Variants in CFAP61 observed in about 807,000 individuals in gnomAD.
CFAP61 encodes cilia- and flagella-associated protein 61.
A neutral mutation model predicts 135.6 loss-of-function variants in CFAP61; 107 were observed. The ratio of observed to expected loss-of-function variants is 0.79; its 90% CI spans 0.67 to 0.93. The LOEUF is 0.93. Among genes scored for constraint, CFAP61 ranks in the 40% least tolerant of loss-of-function variants. The pLI, the probability that CFAP61 is intolerant of heterozygous loss-of-function variation, is 0.00. For synonymous variants in CFAP61, 575 were observed against 578.5 expected, an observed-to-expected ratio of 0.99 and a Z score of 0.09; for missense variants, 1,507 against 1,556.2, an observed-to-expected ratio of 0.97 and a Z score of 0.53.
At chr20:20,204,749 C>A (rs1049546461) in intron 17 of CFAP61, among the ~76,000 whole-genome samples, 1 of 152,084 alleles carries the variant, frequency 6.6e-6, no homozygotes, top group African/African-American at 2.4e-5. Flanking sequence ...TCTAAAAAGG[C>A]AGACCTGTAT....
At chr20:20,146,947 C>T (rs186365210) in intron 9 of CFAP61, among the ~76,000 whole-genome samples, 8 of 152,150 alleles carry the variant, frequency 5.3e-5, no homozygotes, top group African/African-American at 1.2e-4. Flanking sequence ...ATCACTCTTA[C>T]GCCTTTGCAT....
chr20:20,053,024 A>G (rs2043885413), intron 1 of CFAP61, among the ~76,000 whole-genome samples: 1 of 152,244 alleles, frequency 6.6e-6, no homozygotes, highest in Non-Finnish European at 1.5e-5. Context: ...GAGTAACTGG[A>G]AAACAACTCA....
intron 13 of CFAP61, among the ~76,000 whole-genome samples, chr20:20,170,672 G>A (rs1342602518): frequency 2.0e-5 from 3 of 152,136 alleles, no homozygotes; most frequent in Admixed American, 6.5e-5. Context: ...TATAATTGCT[G>A]TGTTAACCTT....
At position 20,196,698 on chromosome 20, in the gene CFAP61, C is replaced by G. The variant is rs1369361227; in HGVS notation, c.1719C>G (p.Phe573Leu). The change falls in exon 16 of 27, where the codon TTC becomes TTG. Residue 573 changes from phenylalanine (F) to leucine (L), a missense_variant. By Grantham distance (22) the Phe-to-Leu change is conservative (BLOSUM62 0). Coordinates refer to ENST00000245957, the MANE Select transcript of CFAP61 (RefSeq NM_015585.4). Reference sequence around the variant, plus strand: ...CCATTTTCCGGCACTACACCAAGTTCTTTCTGAAGGAGATCCTGCGTTTAG... The same window carrying G: ...CCATTTTCCGGCACTACACCAAGTTGTTTCTGAAGGAGATCCTGCGTTTAG... ...LNPIFRHYTK[F>L]FLKEILRLGF... is the part of the protein sequence containing the mutation. The G allele has an allele frequency of 1.2e-6, 2 of 1,614,040 alleles. No homozygotes were observed. Among genetic ancestry groups the G allele is most frequent in the Non-Finnish European group, 1.7e-6 (2 of 1,180,042 alleles).
chr20:20,112,882 A>G (rs1266137494), intron 8 of CFAP61, among the ~76,000 whole-genome samples: 1 of 152,144 alleles, frequency 6.6e-6, no homozygotes, highest in Non-Finnish European at 1.5e-5. Flanking sequence ...TAGTTATTTT[A>G]TGAATATCTG....
At chr20:20,216,267 G>GT (rs1389162446) in intron 17 of CFAP61, among the ~76,000 whole-genome samples, 1 of 152,230 alleles carries the variant, frequency 6.6e-6, no homozygotes, top group Non-Finnish European at 1.5e-5. Context: ...GCTGACGTGC[G>GT]TGTGAGAAAT....
chr20:20,269,204 TATATATACAC>T (rs1448807018), intron 21 of CFAP61, among the ~76,000 whole-genome samples: 1 of 35,988 alleles, frequency 2.8e-5, no homozygotes, highest in Admixed American at 3.1e-4. Context: ...TACATATATG[TATATATACAC>T]ATATATACAT....
At chr20:20,209,261 T>A (rs2146911913) in intron 17 of CFAP61, among the ~76,000 whole-genome samples, 1 of 152,354 alleles carries the variant, frequency 6.6e-6, no homozygotes. Context: ...TTTATCCCAA[T>A]TTTTATCACG....
intron 25 of CFAP61, among the ~76,000 whole-genome samples, chr20:20,301,634 A>G (rs2056117103): frequency 1.3e-5 from 2 of 152,026 alleles, no homozygotes; most frequent in Non-Finnish European, 2.9e-5. Context: ...ATGCCTTTTC[A>G]TTTGTTCATG....
chr20:20,172,089 C>T (rs2054265077), intron 13 of CFAP61: 1 of 598,036 alleles, frequency 1.7e-6, no homozygotes, highest in Non-Finnish European at 2.3e-6. Context: ...GGCATGTGTC[C>T]AGTAAAAAAC....
chr20:20,134,541 A>G (rs1333979497), intron 8 of CFAP61, among the ~76,000 whole-genome samples: 4 of 152,228 alleles, frequency 2.6e-5, no homozygotes, highest in Non-Finnish European at 5.9e-5. Flanking sequence ...CTCAGTTTCT[A>G]GTTCACAGGA....
At chr20:20,071,753 C>T (rs1159805910) in intron 3 of CFAP61, among the ~76,000 whole-genome samples, 2 of 152,140 alleles carry the variant, frequency 1.3e-5, no homozygotes, top group Admixed American at 6.5e-5. Context: ...AATGTGCACA[C>T]ATACACACAC....
At chr20:20,205,904 A>G (rs956766080) in intron 17 of CFAP61, among the ~76,000 whole-genome samples, 1 of 152,192 alleles carries the variant, frequency 6.6e-6, no homozygotes, top group Admixed American at 6.5e-5. Context: ...AGGCTACATT[A>G]TACATTTCCC....
intron 17 of CFAP61, among the ~76,000 whole-genome samples, chr20:20,202,175 C>A (rs1461045501): frequency 6.6e-6 from 1 of 152,182 alleles, no homozygotes; most frequent in African/African-American, 2.4e-5. Context: ...CCCCTCACCC[C>A]TGAGCCCTGG....
chr20:20,121,103 C>CTTTT (rs869290856), intron 8 of CFAP61, among the ~76,000 whole-genome samples: 13 of 113,572 alleles, frequency 1.1e-4, no homozygotes, highest in East Asian at 5.9e-4. Flanking sequence ...TTTATTTTTA[C>CTTTT]TTTTTTTTTT....
chr20:20,273,456 T>C (rs1601756447), intron 21 of CFAP61, among the ~76,000 whole-genome samples: 1 of 152,140 alleles, frequency 6.6e-6, no homozygotes, highest in Non-Finnish European at 1.5e-5. Flanking sequence ...AACTTAGTAG[T>C]GAATACCAAG....
intron 13 of CFAP61, among the ~76,000 whole-genome samples, chr20:20,170,460 A>G (rs911636727): frequency 6.6e-6 from 1 of 152,172 alleles, no homozygotes; most frequent in Admixed American, 6.5e-5. Context: ...GCATGACCAG[A>G]CTGTTTCTAC....
chr20:20,139,858 T>G (rs1218250943), intron 8 of CFAP61, among the ~76,000 whole-genome samples: 1 of 152,254 alleles, frequency 6.6e-6, no homozygotes, highest in Non-Finnish European at 1.5e-5. Flanking sequence ...GACTTTTTAC[T>G]TTTTTGTAAT....
rs377604859 is a variant in CFAP61, at chr20:20,152,800, C to A, written c.952-6570C>A. Among the ~76,000 whole-genome samples the A allele has an allele frequency of 2.6e-5, 4 of 152,166 alleles. 1 individual carries two copies. Among genetic ancestry groups the A allele is most frequent in the African/African-American group, 7.2e-5 (3 of 41,530 alleles). On this transcript the variant is annotated intron_variant, in intron 9 of 26. Transcript: ENST00000245957. Reference sequence around the variant, plus strand: ...GGGACTTCAATACTCCATTGACAGCCTGAGACAGGACATCATGACAGAAAG... The same window carrying A: ...GGGACTTCAATACTCCATTGACAGCATGAGACAGGACATCATGACAGAAAG...
Sources: gnomAD v4.1 joint callset for allele counts (sites outside exome capture counted in the v4.1 genomes callset) on GRCh38, gnomAD v4.1.1 for gene constraint, MANE v1.5 for transcripts, NCBI Gene and HGNC (gene_info 2026-07-23, HGNC 2026-07-21) for gene names.